The following FAT3 variants were observed in gnomAD, a reference collection of about 807,000 sequenced individuals.
The protein encoded by FAT3 is protocadherin Fat 3.
Under a neutral mutation model 310.2 loss-of-function variants are expected in FAT3, and 95 were observed. The observed-to-expected ratio is 0.31, with a 90% confidence interval of 0.26 to 0.36. The LOEUF (loss-of-function observed/expected upper bound fraction) is 0.36. FAT3 is among the 10% of genes least tolerant of loss of function. The pLI is 1.00. For synonymous variants in FAT3, 2,314 were observed against 2,192.9 expected (o/e 1.06, Z -1.54); for missense variants, 5,408 against 5,715.6 (o/e 0.95, Z 1.74).
chr11:92,412,754 T>TATATATATATATATACACAC lies in FAT3; in HGVS notation c.3292+57351_3292+57352insTATATATATATATACACACA, dbSNP rs1565296585. ...ATATATATATATATATAAATATACA[T>TATATATATATATATACACAC]ACATATATATATATTTAATGTAAGA... On this transcript the variant is annotated intron_variant, in intron 2 of 27. Transcript: ENST00000525166. Among the ~76,000 whole-genome samples the TATATATATATATATACACAC allele has an allele frequency of 6.3e-5, 6 of 94,958 alleles. 1 individual carries two copies. The highest frequency in any genetic ancestry group is 1.1e-4 in the Non-Finnish European group (5 of 45,504). 62.3% of individuals were successfully genotyped at this position (94,958 alleles called of 152,430 possible).
In FAT3 at chr11:92,354,455, G is replaced by A. The variant is rs1355465880; in HGVS notation, c.2343G>A (p.Gly781=). 1 of 1,613,808 alleles carries A rather than the reference G, an allele frequency of 6.2e-7. No individual in the cohort carries two copies. Among genetic ancestry groups the A allele is most frequent in the South Asian group, 1.1e-5 (1 of 91,072 alleles). Residue 781 remains glycine, a synonymous_variant, in exon 2 of 28, where the codon GGG becomes GGA. Transcript: ENST00000525166. ...GCTTTAATATTGATATGGAGACTGG[G>A]CAGCTTAAAGTCCTTATGCCCATGG... is the stretch of plus-strand genomic sequence containing the variant. ...DSCFNIDMET[G]QLKVLMPMDR... is the part of the protein sequence containing the mutation.
chr11:92,710,084 G>C (rs547901674), intron 4 of FAT3, among the ~76,000 whole-genome samples: 1 of 152,076 alleles, frequency 6.6e-6, no homozygotes, highest in Non-Finnish European at 1.5e-5. Context: ...CTACTTTTAG[G>C]TGACTACTTT....
chr11:92,238,674 T>A (rs1864539200), intron 1 of FAT3, among the ~76,000 whole-genome samples: 4 of 152,094 alleles, frequency 2.6e-5, no homozygotes, highest in Admixed American at 2.6e-4. Context: ...AGAACTATAC[T>A]GCCCTAAATT....
intron 3 of FAT3, among the ~76,000 whole-genome samples, chr11:92,615,333 G>T (rs145777165): frequency 1.3e-5 from 2 of 152,076 alleles, no homozygotes; most frequent in Non-Finnish European, 2.9e-5. Flanking sequence ...TGCAACCTCC[G>T]CCTCCTGGGT....
At chr11:92,534,763 G>T (rs1345428715) in intron 3 of FAT3, among the ~76,000 whole-genome samples, 1 of 152,126 alleles carries the variant, frequency 6.6e-6, no homozygotes, top group Non-Finnish European at 1.5e-5. Context: ...CAAGATTCAT[G>T]CCTGAAGTAC....
intron 3 of FAT3, among the ~76,000 whole-genome samples, chr11:92,681,374 A>G (rs918269296): frequency 6.6e-6 from 1 of 152,204 alleles, no homozygotes; most frequent in Admixed American, 6.5e-5. Flanking sequence ...AGAATTAGCC[A>G]TGCAGACATC....
At chr11:92,744,974 G>C (rs559892831) in intron 4 of FAT3, among the ~76,000 whole-genome samples, 3 of 152,328 alleles carry the variant, frequency 2.0e-5, no homozygotes, top group African/African-American at 7.2e-5. Context: ...AGCAGTGTTT[G>C]CTCAGCTAGT....
chr11:92,734,548 C>T (rs571625930), intron 4 of FAT3, among the ~76,000 whole-genome samples: 13 of 152,066 alleles, frequency 8.5e-5, no homozygotes, highest in Admixed American at 4.6e-4. Flanking sequence ...GAGATAATGT[C>T]GGTTGGTTAT....
intron 2 of FAT3, among the ~76,000 whole-genome samples, chr11:92,473,800 T>A (rs1371021040): frequency 1.3e-5 from 2 of 152,224 alleles, no homozygotes; most frequent in Non-Finnish European, 2.9e-5. Flanking sequence ...AGAATGCTTT[T>A]ATTTTTCACA....
intron 4 of FAT3, among the ~76,000 whole-genome samples, chr11:92,724,845 A>G (rs1944956080): frequency 6.6e-6 from 1 of 152,258 alleles, no homozygotes; most frequent in Admixed American, 6.5e-5. Context: ...CCAAAGCCAG[A>G]GGAGCAGGAG....
chr11:92,422,383 T>C (rs959148239), intron 2 of FAT3, among the ~76,000 whole-genome samples: 6 of 152,186 alleles, frequency 3.9e-5, no homozygotes, highest in African/African-American at 1.4e-4. Flanking sequence ...ACTTTTTCAG[T>C]GCCTGGAGCA....
intron 7 of FAT3, among the ~76,000 whole-genome samples, chr11:92,776,649 G>A (rs1020682249): frequency 1.3e-5 from 2 of 152,106 alleles, no homozygotes; most frequent in African/African-American, 4.8e-5. Flanking sequence ...CTTATCTCCA[G>A]GGCTGTTTAG....
At chr11:92,490,855 A>C (rs1377687718) in intron 2 of FAT3, among the ~76,000 whole-genome samples, 1 of 152,094 alleles carries the variant, frequency 6.6e-6, no homozygotes, top group Non-Finnish European at 1.5e-5. Context: ...TATATATTTC[A>C]TTTAATCCAG....
Position 92,867,225 on chromosome 11 carries a change from C to T in FAT3, c.12127+16C>T, listed in dbSNP as rs773873811. 4.3e-5 allele frequency: 66 copies of T among 1,544,578 alleles called. No homozygotes were observed. The highest frequency in any genetic ancestry group is 5.6e-5 in the Non-Finnish European group (64 of 1,150,320). ...CCATCGGGGGGTGAGTGTGGCTACG[C>T]AGTGGGCACTGGCCTGGGGGTTTGA... On this transcript the variant is annotated intron_variant, in intron 22 of 27. Coordinates refer to ENST00000525166, the MANE Select transcript of FAT3 (RefSeq NM_001367949.2).
intron 6 of FAT3, among the ~76,000 whole-genome samples, chr11:92,767,613 A>T (rs1380439107): frequency 1.3e-5 from 2 of 152,102 alleles, no homozygotes; most frequent in Admixed American, 1.3e-4. Context: ...GCAACTCTTC[A>T]TCATTCCTGC....
chr11:92,309,968 T>A (rs1424602897), intron 1 of FAT3, among the ~76,000 whole-genome samples: 3 of 152,150 alleles, frequency 2.0e-5, no homozygotes, highest in Admixed American at 1.3e-4. Flanking sequence ...ATCTCTGTTT[T>A]TTTTTTTTTA....
intron 1 of FAT3, among the ~76,000 whole-genome samples, chr11:92,289,182 G>T (rs1048040503): frequency 7.2e-5 from 11 of 152,126 alleles, no homozygotes; most frequent in Admixed American, 2.0e-4. Flanking sequence ...AGTCACACAT[G>T]TTGGCTGGCA....
At chr11:92,278,741 A>G (rs1346477098) in intron 1 of FAT3, among the ~76,000 whole-genome samples, 1 of 152,190 alleles carries the variant, frequency 6.6e-6, no homozygotes, top group Non-Finnish European at 1.5e-5. Context: ...CTATTTGCAC[A>G]TAGTTAATTT....
intron 19 of FAT3, among the ~76,000 whole-genome samples, chr11:92,856,342 T>C (rs1157541568): frequency 6.6e-6 from 1 of 152,180 alleles, no homozygotes; most frequent in Non-Finnish European, 1.5e-5. Flanking sequence ...TGTGTCTCCT[T>C]TTTTATAATT....
Sources: gnomAD v4.1 joint callset for allele counts (sites outside exome capture counted in the v4.1 genomes callset) on GRCh38, gnomAD v4.1.1 for gene constraint, MANE v1.5 for transcripts, NCBI Gene and HGNC (gene_info 2026-07-23, HGNC 2026-07-21) for gene names.